GALNT13: variants seen among roughly 807,000 people sequenced by gnomAD.
GALNT13 encodes polypeptide N-acetylgalactosaminyltransferase 13, also known as UDP-GalNAc:polypeptide N-acetylgalactosaminyltransferase 13.
In GALNT13, 28 loss-of-function variants were observed where a neutral mutation model predicts 64.2. That is an observed-to-expected ratio of 0.44 (90% CI 0.32 to 0.60). The LOEUF is 0.60. Ranked by LOEUF, GALNT13 falls within the 20% of genes least tolerant of loss-of-function variation. The pLI is 0.05. For synonymous variants in GALNT13, 214 were observed against 224.6 expected (o/e 0.95, Z 0.42); for missense variants, 577 against 669.8 (o/e 0.86, Z 1.53).
chr2:154,340,935 G>A (rs535764720), intron 9 of GALNT13, among the ~76,000 whole-genome samples: 62 of 151,658 alleles, frequency 4.1e-4, no homozygotes, highest in Admixed American at 9.2e-4. Flanking sequence ...AGTGCGCTGC[G>A]CACGCCTGTA....
intron 11 of GALNT13, among the ~76,000 whole-genome samples, chr2:154,421,380 C>A (rs1700243411): frequency 6.6e-6 from 1 of 151,942 alleles, no homozygotes; most frequent in Non-Finnish European, 1.5e-5. Flanking sequence ...GGCTAAAACA[C>A]AATGTTTTAG....
chr2:153,818,777 C>G, the GALNT13 span, among the ~76,000 whole-genome samples: 1 of 152,304 alleles, frequency 6.6e-6, no homozygotes, highest in East Asian at 1.9e-4. Flanking sequence ...GCCCACAGCA[C>G]AGCCACCCTG....
intron 2 of GALNT13, among the ~76,000 whole-genome samples, chr2:153,907,777 A>G (rs1426179785): frequency 6.6e-6 from 1 of 151,998 alleles, no homozygotes; most frequent in Non-Finnish European, 1.5e-5. Context: ...CATAGTGTAT[A>G]TGTGCCACAT....
In GALNT13 at chr2:154,245,895, G is replaced by A. The variant is rs1352081455; in HGVS notation, c.770G>A (p.Gly257Asp). 6.2e-7 allele frequency: 1 copy of A among 1,612,930 alleles called. No homozygotes were observed. Among genetic ancestry groups the A allele is most frequent in the Non-Finnish European group, 8.5e-7 (1 of 1,179,248 alleles). The change falls in exon 7 of 13, where the codon GGT becomes GAT. Residue 257 changes from glycine to aspartate, a missense_variant. This residue lies in a region of GALNT13 where 341 missense variants were observed against 379.3 expected (regional missense o/e 0.90). Coordinates refer to ENST00000392825, the MANE Select transcript of GALNT13 (RefSeq NM_052917.4). ...YMAGSDMTYG[G>D]FNWKLNFRWY... ...GCTGGGTCAGACATGACTTATGGGG[G>A]TTTTAACTGGAAACTGAATTTCCGC... is the stretch of plus-strand genomic sequence containing the variant.
chr2:153,598,877 T>C, the GALNT13 span, among the ~76,000 whole-genome samples: 1 of 152,074 alleles, frequency 6.6e-6, no homozygotes, highest in African/African-American at 2.4e-5. Flanking sequence ...TCTGAAAAAT[T>C]CTTTCAGTTG....
chr2:153,859,678 A>G, the GALNT13 span, among the ~76,000 whole-genome samples: 1 of 152,184 alleles, frequency 6.6e-6, no homozygotes, highest in Non-Finnish European at 1.5e-5. Flanking sequence ...TTCACCCTGA[A>G]CCACACAGAT....
chr2:153,648,500 A>G, the GALNT13 span, among the ~76,000 whole-genome samples: 8 of 152,088 alleles, frequency 5.3e-5, no homozygotes, highest in Non-Finnish European at 1.0e-4. Context: ...TTCCAACACT[A>G]TGTTGAATAG....
the GALNT13 span, among the ~76,000 whole-genome samples, chr2:153,692,812 TG>T: frequency 6.6e-6 from 1 of 152,142 alleles, no homozygotes; most frequent in African/African-American, 2.4e-5. Context: ...TATTTGAAAA[TG>T]AACAGGTTTC....
chr2:154,335,741 G>A (rs1695408404), intron 9 of GALNT13, among the ~76,000 whole-genome samples: 1 of 151,888 alleles, frequency 6.6e-6, no homozygotes, highest in African/African-American at 2.4e-5. Context: ...CTCATTACTA[G>A]GATTCTCGGT....
intron 3 of GALNT13, among the ~76,000 whole-genome samples, chr2:153,954,840 T>C (rs1182002758): frequency 6.6e-6 from 1 of 152,086 alleles, no homozygotes; most frequent in East Asian, 1.9e-4. Context: ...GCCCATATGT[T>C]GAAACGGTAG....
the GALNT13 span, among the ~76,000 whole-genome samples, chr2:153,345,693 T>C: frequency 3.0e-3 from 391 of 130,342 alleles, 5 homozygotes; most frequent in Admixed American, 9.2e-3. Flanking sequence ...CTTTCTTTCT[T>C]TCTTTCTTTC....
intron 4 of GALNT13, among the ~76,000 whole-genome samples, chr2:154,181,141 T>A (rs1685936803): frequency 6.6e-6 from 1 of 152,214 alleles, no homozygotes; most frequent in African/African-American, 2.4e-5. Context: ...TACCAAGGAA[T>A]GACTATATTG....
At chr2:153,876,649 G>T (rs1178525532) in intron 1 of GALNT13, among the ~76,000 whole-genome samples, 3 of 151,956 alleles carry the variant, frequency 2.0e-5, no homozygotes, top group Non-Finnish European at 2.9e-5. Context: ...ACATTTAATT[G>T]GTGTTAGCTT....
intron 3 of GALNT13, among the ~76,000 whole-genome samples, chr2:154,037,525 A>G (rs949407126): frequency 1.3e-5 from 2 of 152,154 alleles, no homozygotes; most frequent in African/African-American, 4.8e-5. Context: ...AGGCAACAGA[A>G]AGAAATAAAG....
At chr2:154,113,980 T>C (rs1226319899) in intron 3 of GALNT13, among the ~76,000 whole-genome samples, 1 of 152,168 alleles carries the variant, frequency 6.6e-6, no homozygotes, top group African/African-American at 2.4e-5. Flanking sequence ...ACAGCTGCAA[T>C]TGGAGTCACC....
At chr2:153,537,834 C>T in the GALNT13 span, among the ~76,000 whole-genome samples, 2 of 152,168 alleles carry the variant, frequency 1.3e-5, no homozygotes, top group Non-Finnish European at 2.9e-5. Flanking sequence ...TGTATGTTTC[C>T]TGAGGCCTCC....
chr2:154,184,457 T>C (rs917433564), intron 4 of GALNT13, among the ~76,000 whole-genome samples: 29 of 152,296 alleles, frequency 1.9e-4, no homozygotes, highest in African/African-American at 7.0e-4. Flanking sequence ...TTAATTCCTT[T>C]GTTATTTTTT....
At chr2:154,037,721 G>A (rs1409027894) in intron 3 of GALNT13, among the ~76,000 whole-genome samples, 1 of 152,118 alleles carries the variant, frequency 6.6e-6, no homozygotes, top group Admixed American at 6.6e-5. Context: ...CAATGAATTA[G>A]CTGGAAAAGA....
chr2:153,635,155 T>G, the GALNT13 span, among the ~76,000 whole-genome samples: 2 of 151,988 alleles, frequency 1.3e-5, no homozygotes, highest in Non-Finnish European at 2.9e-5. Context: ...AAGCAAAGCA[T>G]GTGCTTTATT....
Sources: gnomAD v4.1 joint callset for allele counts (sites outside exome capture counted in the v4.1 genomes callset) on GRCh38, gnomAD v4.1.1 for gene constraint, gnomAD v4.1.1 regional missense constraint, MANE v1.5 for transcripts, NCBI Gene and HGNC (gene_info 2026-07-23, HGNC 2026-07-21) for gene names.